The following FAM193A variants were observed in gnomAD, a reference collection of about 807,000 sequenced individuals.
FAM193A encodes family with sequence similarity 193 member A.
FAM193A carries 22 observed loss-of-function variants against 126.5 expected under a neutral mutation model. That is an observed-to-expected ratio of 0.17 (90% CI 0.12 to 0.25). The LOEUF (loss-of-function observed/expected upper bound fraction) is 0.25. FAM193A is among the 10% of genes least tolerant of loss of function. The pLI, the probability that FAM193A is intolerant of heterozygous loss-of-function variation, is 1.00. For synonymous variants in FAM193A, 761 were observed against 646.8 expected (o/e 1.18, Z -2.68); for missense variants, 1,675 against 1,672.8 (o/e 1.00, Z -0.02).
chr4:2,596,135 G>T lies in FAM193A; in HGVS notation c.307G>T (p.Asp103Tyr). 4.3e-6 allele frequency: 3 copies of T among 702,950 alleles called. No homozygotes were observed. The highest frequency in any genetic ancestry group is 1.5e-5 in the South Asian group (1 of 67,604). The allele number at this position is 702,950 out of a possible 1,614,324, so 43.5% of individuals were successfully genotyped here. A position where few individuals can be genotyped will look rare whatever the true frequency, so the allele number is the denominator to read the frequency against. Residue 103 changes from aspartate to tyrosine, a missense_variant, in exon 2 of 21, where the codon GAT becomes TAT. Coordinates refer to ENST00000637812, the MANE Select transcript of FAM193A (RefSeq NM_001366318.2). ...TAGGACACCACCCTACCCTGCTGGG[G>T]ATTATTGTCTTCTGTGCAGAAGTGA... The part of the protein sequence containing the change: ...NHRTPPYPAG[D>Y]YCLLCRSERK...
At chr4:2,554,812 T>C (rs973870825) in intron 1 of FAM193A, among the ~76,000 whole-genome samples, 26 of 152,228 alleles carry the variant, frequency 1.7e-4, no homozygotes, top group African/African-American at 6.3e-4. Flanking sequence ...CCCTTTGTCA[T>C]TTAAGCTGTA....
At chr4:2,671,011 C>G (rs1713724434) in intron 12 of FAM193A, among the ~76,000 whole-genome samples, 1 of 152,070 alleles carries the variant, frequency 6.6e-6, no homozygotes, top group Admixed American at 6.5e-5. Context: ...AGAGGTCTGC[C>G]CTTTGTCCAC....
At chr4:2,668,259 G>C (rs939803979) in intron 12 of FAM193A, among the ~76,000 whole-genome samples, 2 of 150,624 alleles carry the variant, frequency 1.3e-5, no homozygotes, top group African/African-American at 4.9e-5. Flanking sequence ...TGTCACCCAG[G>C]CTGGAGTGCA....
rs1008868745 is a variant in FAM193A at position 2,619,758 on chromosome 4, T to G, written c.502-5504T>G. On this transcript the variant is annotated intron_variant, in intron 2 of 20. Transcript: ENST00000637812. ...TGGAGTGCAGTGGCACGATCTAGTCTCACTGCAACCTCCCCTCCCCTTCCT... is the reference window on the plus strand; with the variant it reads ...TGGAGTGCAGTGGCACGATCTAGTCGCACTGCAACCTCCCCTCCCCTTCCT... Among the ~76,000 whole-genome samples the G allele has an allele frequency of 2.0e-5, 3 of 152,166 alleles. No individual in the cohort carries two copies. The East Asian group carries it at 5.8e-4, about 29-fold the overall frequency.
At chr4:2,632,400 T>C (rs1175335498) in intron 5 of FAM193A, among the ~76,000 whole-genome samples, 1 of 151,942 alleles carries the variant, frequency 6.6e-6, no homozygotes, top group Non-Finnish European at 1.5e-5. Flanking sequence ...ACCCCACCTA[T>C]ACCAAAAAAA....
At position 2,660,023 on chromosome 4, in the gene FAM193A, A is replaced by G; in HGVS notation, c.1714A>G (p.Ile572Val). Residue 572 changes from isoleucine (I) to valine (V), a missense_variant, in exon 10 of 21, where the codon ATC (isoleucine) becomes GTC (valine). Coordinates refer to ENST00000637812, the MANE Select transcript of FAM193A (RefSeq NM_001366318.2). ...PITIQQHPRL[I>V]LTDSGSAPTF... ...CACAATTCAGCAGCACCCCAGGCTC[A>G]TCCTCACAGACAGTGGCTCGGCACC... The G allele has an allele frequency of 6.2e-7, 1 of 1,614,162 alleles. No homozygotes were observed. Among genetic ancestry groups the G allele is most frequent in the Non-Finnish European group, 8.5e-7 (1 of 1,180,000 alleles).
intron 20 of FAM193A, among the ~76,000 whole-genome samples, chr4:2,725,172 C>T (rs912275568): frequency 6.6e-6 from 1 of 152,096 alleles, no homozygotes; most frequent in Non-Finnish European, 1.5e-5. Flanking sequence ...AGCCACCACA[C>T]CTGGCCCTGT....
At chr4:2,678,934 C>T (rs1434787135) in intron 13 of FAM193A, among the ~76,000 whole-genome samples, 1 of 152,118 alleles carries the variant, frequency 6.6e-6, no homozygotes, top group Non-Finnish European at 1.5e-5. Context: ...TGCCTGTTTG[C>T]TCCGGCTGAA....
At position 2,536,648 on chromosome 4, in the gene FAM193A, T is replaced by A. The variant is rs1736888367; in HGVS notation, c.-268T>A. The stretch of plus-strand genomic sequence containing the variant: ...CCCCCTCCCCCGACGTAAACTGGGA[T>A]CCCTTTCCCCTTGTGTCCGCCATAT... On this transcript the variant is annotated 5_prime_UTR_variant, in exon 1 of 21. Coordinates refer to ENST00000637812, the MANE Select transcript of FAM193A (RefSeq NM_001366318.2). 1 of 124,120 alleles carries A rather than the reference T, an allele frequency of 8.1e-6. No individual in the cohort carries two copies. Among genetic ancestry groups the A allele is most frequent in the Admixed American group, 1.0e-4 (1 of 9,984 alleles). The allele number at this position is 124,120 out of a possible 1,614,324, so 7.7% of individuals were successfully genotyped here.
Position 2,731,767 on chromosome 4 carries a change from C to T in FAM193A, c.4455-8C>T, listed in dbSNP as rs374347180. 11 of 1,611,492 alleles carry T rather than the reference C, an allele frequency of 6.8e-6. No individual in the cohort carries two copies. In the African/African-American group the frequency reaches 9.3e-5, roughly 14 times the overall value. Reference sequence around the variant, plus strand: ...CTTCAGTGACTGTTTGGCTTTTTGTCTTTGCAGGTTCTGCTTGGATTCTGC... The same window carrying T: ...CTTCAGTGACTGTTTGGCTTTTTGTTTTTGCAGGTTCTGCTTGGATTCTGC... On this transcript the variant is annotated splice_region_variant and splice_polypyrimidine_tract_variant and intron_variant, in intron 20 of 20. Coordinates refer to ENST00000637812, the MANE Select transcript of FAM193A (RefSeq NM_001366318.2).
chr4:2,602,149 AT>A (rs1741236341), intron 2 of FAM193A, among the ~76,000 whole-genome samples: 2 of 151,906 alleles, frequency 1.3e-5, no homozygotes, highest in African/African-American at 4.8e-5. Context: ...AATTATTGCT[AT>A]TTTATATACA....
intron 13 of FAM193A, among the ~76,000 whole-genome samples, chr4:2,679,008 T>C (rs920914904): frequency 1.3e-5 from 2 of 152,220 alleles, no homozygotes; most frequent in Non-Finnish European, 2.9e-5. Flanking sequence ...TCCTGTTATT[T>C]AAGGAAAAGC....
At chr4:2,542,501 A>T (rs977352635) in intron 1 of FAM193A, among the ~76,000 whole-genome samples, 1 of 152,224 alleles carries the variant, frequency 6.6e-6, no homozygotes, top group Non-Finnish European at 1.5e-5. Context: ...AAGTATTTTA[A>T]TAATTGTTCA....
chr4:2,615,872 G>A (rs1230411184), intron 2 of FAM193A, among the ~76,000 whole-genome samples: 2 of 151,594 alleles, frequency 1.3e-5, no homozygotes, highest in South Asian at 2.1e-4. Flanking sequence ...ATGTAGTGGC[G>A]CGATCTCAGC....
chr4:2,631,397 C>G (rs1202441459), intron 5 of FAM193A, among the ~76,000 whole-genome samples: 1 of 152,094 alleles, frequency 6.6e-6, no homozygotes, highest in African/African-American at 2.4e-5. Flanking sequence ...GGTGACACCT[C>G]ATGGTAGTAC....
intron 7 of FAM193A, 78 bp from the exon 8 acceptor site, chr4:2,657,725 C>T (rs1711881008): frequency 4.6e-6 from 4 of 877,122 alleles, no homozygotes; most frequent in Non-Finnish European, 7.2e-6. Flanking sequence ...AGAAAGTCTC[C>T]TCTTGAAAAT....
chr4:2,649,373 T>TG (rs1211439127), intron 7 of FAM193A, among the ~76,000 whole-genome samples: 5 of 129,092 alleles, frequency 3.9e-5, no homozygotes, highest in African/African-American at 1.6e-4. Context: ...AGACCCTGTC[T>TG]GAAAAAAAAA....
At chr4:2,715,493 G>A in intron 19 of FAM193A, 2 of 987,364 alleles carry the variant, frequency 2.0e-6, no homozygotes, top group Non-Finnish European at 2.4e-6. Flanking sequence ...ATGTCATATG[G>A]GTGAGATGAA....
intron 1 of FAM193A, among the ~76,000 whole-genome samples, chr4:2,562,367 G>A (rs1299150814): frequency 6.6e-5 from 10 of 152,226 alleles, no homozygotes; most frequent in Admixed American, 3.9e-4. Flanking sequence ...CAGAAGGATC[G>A]CTTGAGCTTC....
Sources: gnomAD v4.1 joint callset for allele counts (sites outside exome capture counted in the v4.1 genomes callset) on GRCh38, gnomAD v4.1.1 for gene constraint, MANE v1.5 for transcripts, NCBI Gene and HGNC (gene_info 2026-07-23, HGNC 2026-07-21) for gene names.